The following HECW2 variants were observed in gnomAD, a reference collection of about 807,000 sequenced individuals.
HECW2 encodes HECT, C2 and WW domain containing E3 ubiquitin protein ligase 2, also known as E3 ubiquitin-protein ligase HECW2.
In HECW2, 61 loss-of-function variants were observed where a neutral mutation model predicts 175.2. The ratio of observed to expected loss-of-function variants is 0.35; its 90% confidence interval spans 0.28 to 0.43. The LOEUF (loss-of-function observed/expected upper bound fraction) is 0.43, where lower values mean the gene tolerates loss of function less well. HECW2 is among the 20% of genes least tolerant of loss of function. HECW2 has a pLI of 1.00. For synonymous variants in HECW2, 671 were observed against 731.0 expected (o/e 0.92, Z 1.32); for missense variants, 1,524 against 2,000.5 (o/e 0.76, Z 4.54).
chr2:196,298,546 G>A (rs1196984312), intron 13 of HECW2, among the ~76,000 whole-genome samples: 2 of 151,456 alleles, frequency 1.3e-5, no homozygotes, highest in African/African-American at 4.8e-5. Flanking sequence ...TGTGCACAAC[G>A]TGCAGGTTTG....
At chr2:196,306,350 G>GTGC (rs1359847114) in intron 13 of HECW2, 138 bp downstream of exon 13, 4 of 855,046 alleles carry the variant, frequency 4.7e-6, no homozygotes, top group Non-Finnish European at 7.0e-6. Context: ...AAAGTGTACA[G>GTGC]TGCTCAACAC....
chr2:196,362,123 C>T (rs1441451222), intron 2 of HECW2: 1 of 985,308 alleles, frequency 1.0e-6, no homozygotes, highest in Non-Finnish European at 1.2e-6. Flanking sequence ...ATGAATGACA[C>T]TAAAAGCCAC....
chr2:196,500,759 C>G (rs1687551793), intron 1 of HECW2, among the ~76,000 whole-genome samples: 1 of 152,192 alleles, frequency 6.6e-6, no homozygotes, highest in African/African-American at 2.4e-5. Flanking sequence ...CTAGACTATA[C>G]TGGATTTCAA....
intron 1 of HECW2, among the ~76,000 whole-genome samples, chr2:196,533,664 A>G (rs1259750389): frequency 2.0e-5 from 3 of 152,184 alleles, no homozygotes; most frequent in South Asian, 4.1e-4. Flanking sequence ...TCCATTAACA[A>G]TGTGTTTAAC....
At chr2:196,576,403 G>A (rs965523825) in intron 1 of HECW2, among the ~76,000 whole-genome samples, 2 of 152,108 alleles carry the variant, frequency 1.3e-5, no homozygotes, top group Admixed American at 6.5e-5. Context: ...AGGAAATCCT[G>A]CCATTTGTGA....
intron 7 of HECW2, among the ~76,000 whole-genome samples, chr2:196,321,883 C>G (rs1211854666): frequency 6.6e-6 from 1 of 152,154 alleles, no homozygotes; most frequent in East Asian, 1.9e-4. Flanking sequence ...TTTTGGTCTT[C>G]TCTATCTCCT....
At chr2:196,317,129 C>T (rs1222956060) in intron 10 of HECW2, 145 bp downstream of exon 10, 1 of 642,828 alleles carries the variant, frequency 1.6e-6, no homozygotes, top group African/African-American at 1.8e-5. Context: ...ACGTCCCGGA[C>T]TACACCTGCT....
intron 2 of HECW2, among the ~76,000 whole-genome samples, chr2:196,399,716 C>T (rs969754021): frequency 2.0e-5 from 3 of 152,228 alleles, no homozygotes; most frequent in African/African-American, 7.2e-5. Flanking sequence ...ATTGTTCTTT[C>T]TAACCACACA....
At chr2:196,275,990 A>T (rs926211677) in intron 15 of HECW2, among the ~76,000 whole-genome samples, 11 of 152,210 alleles carry the variant, frequency 7.2e-5, no homozygotes, top group African/African-American at 2.7e-4. Flanking sequence ...TTGAGGAATG[A>T]ATACAGCTAT....
intron 23 of HECW2, among the ~76,000 whole-genome samples, chr2:196,225,088 C>G (rs1468819666): frequency 6.6e-6 from 1 of 152,148 alleles, no homozygotes; most frequent in African/African-American, 2.4e-5. Flanking sequence ...AGCTACTATC[C>G]CACAGACAGT....
chr2:196,249,044 AAATAT>A (rs1369660574), intron 19 of HECW2, among the ~76,000 whole-genome samples: 1 of 152,178 alleles, frequency 6.6e-6, no homozygotes, highest in Non-Finnish European at 1.5e-5. Context: ...AAGTAAAGAG[AAATAT>A]AATATATTTA....
chr2:196,426,732 C>G (rs1259082303), intron 2 of HECW2, among the ~76,000 whole-genome samples: 1 of 152,090 alleles, frequency 6.6e-6, no homozygotes, highest in Non-Finnish European at 1.5e-5. Context: ...GAACATAGGA[C>G]ACTGAAGTTC....
chr2:196,363,546 C>A (rs150376728), intron 2 of HECW2, among the ~76,000 whole-genome samples: 1 of 152,194 alleles, frequency 6.6e-6, no homozygotes. Flanking sequence ...AAAAATAAAT[C>A]TAGGCCAGGA....
At chr2:196,419,966 T>C (rs1172501688) in intron 2 of HECW2, among the ~76,000 whole-genome samples, 1 of 152,162 alleles carries the variant, frequency 6.6e-6, no homozygotes, top group African/African-American at 2.4e-5. Context: ...ATTACGATGG[T>C]TCTGGTAATG....
chr2:196,521,757 T>C (rs1688402078), intron 1 of HECW2, among the ~76,000 whole-genome samples: 2 of 150,124 alleles, frequency 1.3e-5, no homozygotes, highest in African/African-American at 2.5e-5. Flanking sequence ...CTTGTGATAG[T>C]TTACTGAGAA....
intron 1 of HECW2, among the ~76,000 whole-genome samples, chr2:196,515,269 C>T (rs990952563): frequency 3.3e-5 from 5 of 152,236 alleles, no homozygotes; most frequent in Admixed American, 6.5e-5. Context: ...ACACACTTCT[C>T]GCTGCTCTGC....
chr2:196,256,558 T>C (rs1689064709), intron 18 of HECW2, among the ~76,000 whole-genome samples: 1 of 152,206 alleles, frequency 6.6e-6, no homozygotes, highest in South Asian at 2.1e-4. Context: ...ATGACTTCTG[T>C]TTTTACTAAT....
rs907370461 is a variant in HECW2, at chr2:196,384,392, A to G, written c.293-40628T>C. ...GCCCAGGAGTTTGAGACCAGCCTGCATAATATAGAAAGACCCCATCTCTAC... is the reference window on the plus strand; with the variant it reads ...GCCCAGGAGTTTGAGACCAGCCTGCGTAATATAGAAAGACCCCATCTCTAC... On this transcript the variant is annotated intron_variant, in intron 2 of 28. Transcript: ENST00000644978. Among the ~76,000 whole-genome samples, 7 of 151,990 alleles carry G rather than the reference A, an allele frequency of 4.6e-5. No individual in the cohort carries two copies. The East Asian group carries it at 1.2e-3, about 25-fold the overall frequency.
At chr2:196,482,201 C>G (rs1027606815) in intron 1 of HECW2, among the ~76,000 whole-genome samples, 2 of 152,196 alleles carry the variant, frequency 1.3e-5, no homozygotes, top group Admixed American at 1.3e-4. Flanking sequence ...AATATGGACC[C>G]TCATAGGCAT....
Sources: gnomAD v4.1 joint callset for allele counts (sites outside exome capture counted in the v4.1 genomes callset) on GRCh38, gnomAD v4.1.1 for gene constraint, MANE v1.5 for transcripts, NCBI Gene and HGNC (gene_info 2026-07-23, HGNC 2026-07-21) for gene names.